Variants in HFM1 observed in about 807,000 individuals in gnomAD.
The protein encoded by HFM1 is helicase for meiosis 1, also known as probable ATP-dependent DNA helicase HFM1.
In HFM1, 169 loss-of-function variants were observed where a neutral mutation model predicts 192.1. The observed-to-expected ratio is 0.88, with a 90% CI of 0.78 to 1.00. The LOEUF (loss-of-function observed/expected upper bound fraction) is 1.00, where lower values mean the gene tolerates loss of function less well. HFM1 is among the 50% of genes least tolerant of loss of function. HFM1 has a pLI of 0.00. For synonymous variants in HFM1, 525 were observed against 537.8 expected, an observed-to-expected ratio of 0.98 and a Z score of 0.33; for missense variants, 1,661 against 1,668.0, an observed-to-expected ratio of 1.00 and a Z score of 0.07.
chr1:91,293,979 C>T (rs1171172919), intron 30 of HFM1, among the ~76,000 whole-genome samples: 1 of 145,500 alleles, frequency 6.9e-6, no homozygotes. Context: ...TATTCTCACT[C>T]ATAGGTGGGA....
In HFM1 at chr1:91,352,638, A is replaced by G. The variant is rs771734215; in HGVS notation, c.1845T>C (p.Thr615=). The G allele has an allele frequency of 3.1e-6, 5 of 1,605,444 alleles. No homozygotes were observed. The highest frequency in any genetic ancestry group is 4.5e-5 in the East Asian group (2 of 44,620). Residue 615 remains threonine, a synonymous_variant, in exon 16 of 39, where the codon ACT becomes ACC. Transcript: ENST00000370425. ...GDLPVLFTTS[T]LAMGVNLPAH... is the part of the protein sequence containing the mutation. ...CAGGCAAATTTACTCCCATAGCTAA[A>G]GTACTGGTAGTAACTGCATCAGATT...
At position 91,298,756 on chromosome 1, in the gene HFM1, C is replaced by G. The variant is rs146460092; in HGVS notation, c.3391+14593G>C. On this transcript the variant is annotated intron_variant, in intron 30 of 38. Transcript: ENST00000370425. ...AAATGCTGAGAGATTTTTGTCACCA[C>G]CAGGCCTGCCCTAAAAGAGCTCCTG... Among the ~76,000 whole-genome samples, 251 of 152,158 alleles carry G rather than the reference C, an allele frequency of 1.6e-3. 7 individuals are homozygous for G. In the East Asian group the frequency reaches 0.047, roughly 29 times the overall value.
intron 30 of HFM1, among the ~76,000 whole-genome samples, chr1:91,288,633 CG>C (rs1385791991): frequency 1.3e-5 from 2 of 151,920 alleles, no homozygotes; most frequent in Admixed American, 6.6e-5. Context: ...CATCTTGCAC[CG>C]CCCTTAATCC....
chr1:91,269,006 T>TC lies in HFM1; in HGVS notation c.3773-1152dup, dbSNP rs530885714. ...ATATTCTCTCAATTTTTTGTGTTAT[T>TC]CACAATGTAATGGCTACAATAACAA... On this transcript the variant is annotated intron_variant, in intron 34 of 38. Transcript: ENST00000370425. 2.0e-4 allele frequency among the ~76,000 whole-genome samples: 30 copies of TC among 152,280 alleles called. No individual in the cohort carries two copies. In the South Asian group the frequency reaches 6.0e-3, roughly 30 times the overall value.
intron 36 of HFM1, among the ~76,000 whole-genome samples, chr1:91,262,910 C>T (rs544190095): frequency 1.1e-4 from 16 of 152,080 alleles, no homozygotes; most frequent in African/African-American, 3.9e-4. Flanking sequence ...TTCTAAATTC[C>T]ACTTGCTTAA....
At chr1:91,308,101 G>A (rs955104402) in intron 30 of HFM1, among the ~76,000 whole-genome samples, 2 of 152,062 alleles carry the variant, frequency 1.3e-5, no homozygotes, top group Non-Finnish European at 2.9e-5. Context: ...TCTGTTTGGG[G>A]TTTACCAAAA....
chr1:91,310,957 T>C (rs769323008), intron 30 of HFM1, among the ~76,000 whole-genome samples: 1 of 152,138 alleles, frequency 6.6e-6, no homozygotes, highest in African/African-American at 2.4e-5. Flanking sequence ...TACCCAAATA[T>C]GTGGAAGCGA....
chr1:91,319,316 C>T lies in HFM1; in HGVS notation c.2657G>A (p.Arg886Lys). The change falls in exon 24 of 39, where the codon AGA becomes AAA. Residue 886 changes from arginine (R) to lysine (K), a missense_variant. Coordinates refer to ENST00000370425, the MANE Select transcript of HFM1 (RefSeq NM_001017975.6). ...ALTQDTAKIF[R>K]HGSRITRWLS... is the part of the protein sequence containing the mutation. Reference sequence around the variant, plus strand: ...ACATCTTGTAATTCGGGAGCCATGTCTGAAAATCTTTGCGGTATCTTGTGT... The same window carrying T: ...ACATCTTGTAATTCGGGAGCCATGTTTGAAAATCTTTGCGGTATCTTGTGT... 1 of 1,611,582 alleles carries T rather than the reference C, an allele frequency of 6.2e-7. No homozygotes were observed. The highest frequency in any genetic ancestry group is 8.5e-7 in the Non-Finnish European group (1 of 1,177,830).
Position 91,317,133 on chromosome 1 carries a change from G to A in HFM1, c.2813-657C>T, listed in dbSNP as rs1368209634. Among the ~76,000 whole-genome samples, 12 of 152,072 alleles carry A rather than the reference G, an allele frequency of 7.9e-5. No homozygotes were observed. In the East Asian group the frequency reaches 1.7e-3, roughly 22 times the overall value. On this transcript the variant is annotated intron_variant, in intron 25 of 38. Coordinates refer to ENST00000370425, the MANE Select transcript of HFM1 (RefSeq NM_001017975.6). ...TCTATTCCTTAAATACATCAAATTCGGTTGGGCCCAGTGGCTCACACCTGT... is the reference window on the plus strand; with the variant it reads ...TCTATTCCTTAAATACATCAAATTCAGTTGGGCCCAGTGGCTCACACCTGT...
chr1:91,364,979 C>T (rs1659094581), intron 13 of HFM1, among the ~76,000 whole-genome samples: 2 of 151,988 alleles, frequency 1.3e-5, no homozygotes, highest in East Asian at 1.9e-4. Context: ...CACACACATG[C>T]ACACACACAA....
At position 91,342,408 on chromosome 1, in the gene HFM1, T is replaced by C. The variant is rs140070654; in HGVS notation, c.2335+1022A>G. ...TGAAGCAAGTAATAACACCATCATG[T>C]GAGAGGTGCCCTCCCTATACCTAAA... On this transcript the variant is annotated intron_variant, in intron 20 of 38. Transcript: ENST00000370425. Among the ~76,000 whole-genome samples the C allele has an allele frequency of 2.8e-3, 429 of 152,310 alleles. 1 individual carries two copies. Among genetic ancestry groups the C allele is most frequent in the Non-Finnish European group, 4.1e-3 (281 of 68,022 alleles).
At chr1:91,389,999 T>C (rs182543280) in intron 4 of HFM1, among the ~76,000 whole-genome samples, 1 of 152,242 alleles carries the variant, frequency 6.6e-6, no homozygotes, top group African/African-American at 2.4e-5. Flanking sequence ...AAAACACACA[T>C]TCACACAAAA....
Position 91,324,745 on chromosome 1 carries a change from C to T in HFM1, c.2357G>A (p.Trp786Ter), listed in dbSNP as rs202216683. The T allele has an allele frequency of 9.5e-5, 149 of 1,568,302 alleles. No individual in the cohort carries two copies. Among genetic ancestry groups the T allele is most frequent in the Non-Finnish European group, 1.2e-4 (141 of 1,139,070 alleles). The change falls in exon 21 of 39, where the codon TGG becomes TAG. Residue 786 changes from tryptophan to a stop codon, truncating the protein, a stop_gained. Transcript: ENST00000370425. LOFTEE classifies it high-confidence loss of function. ...CACTGTCTCAAATGTAATATAATAC[C>T]AAGCCATCAATCTTCCTGCTTCTGT... ...KPTEAGRLMA[W>*]YYITFETVKK... is the part of the protein sequence containing the mutation.
chr1:91,348,646 A>C (rs1656475006), intron 18 of HFM1, among the ~76,000 whole-genome samples: 3 of 152,372 alleles, frequency 2.0e-5, no homozygotes, highest in African/African-American at 7.2e-5. Flanking sequence ...CCAGCCAGGC[A>C]TGGTGGCTCA....
intron 20 of HFM1, among the ~76,000 whole-genome samples, chr1:91,326,745 G>A (rs933336400): frequency 1.4e-5 from 2 of 148,000 alleles, no homozygotes; most frequent in Non-Finnish European, 3.0e-5. Flanking sequence ...ATTGTGGTGT[G>A]TAAACTTCTC....
At chr1:91,314,206 A>C (rs543283626) in intron 28 of HFM1, 146 bp from the exon 29 acceptor site, 7 of 530,012 alleles carry the variant, frequency 1.3e-5, no homozygotes, top group Non-Finnish European at 2.4e-5. Flanking sequence ...ACTTTTAAGG[A>C]GGGAGAATAA....
At chr1:91,289,152 G>A (rs1459045727) in intron 30 of HFM1, among the ~76,000 whole-genome samples, 2 of 151,350 alleles carry the variant, frequency 1.3e-5, no homozygotes, top group Non-Finnish European at 2.9e-5. Context: ...AGATGGGGCA[G>A]CCAGTCAGAG....
chr1:91,351,670 G>C, intron 16 of HFM1, 27 bp from the exon 17 acceptor site: 1 of 1,238,418 alleles, frequency 8.1e-7, no homozygotes, highest in Non-Finnish European at 1.2e-6. Context: ...CAGAAATTTA[G>C]TGAAGAAGAG....
At chr1:91,342,439 G>C (rs186869571) in intron 20 of HFM1, among the ~76,000 whole-genome samples, 1 of 152,100 alleles carries the variant, frequency 6.6e-6, no homozygotes. Context: ...CTAAAGAATG[G>C]AGCATCTTTA....
Sources: allele counts gnomAD v4.1 joint callset (sites outside exome capture counted in the v4.1 genomes callset), GRCh38; gene constraint gnomAD v4.1.1; transcripts MANE v1.5; gene names NCBI Gene and HGNC (gene_info 2026-07-23, HGNC 2026-07-21).